The following KCNB2 variants were observed in gnomAD, a reference collection of about 807,000 sequenced individuals.
KCNB2 encodes delayed rectifier potassium channel protein.
In KCNB2, 15 loss-of-function variants were observed where a neutral mutation model predicts 61.5. The observed-to-expected ratio is 0.24, with a 90% CI of 0.16 to 0.38. The LOEUF (loss-of-function observed/expected upper bound fraction) is 0.38, where lower values mean the gene tolerates loss of function less well. Ranked by LOEUF, KCNB2 falls within the 10% of genes least tolerant of loss-of-function variation. The pLI, the probability that KCNB2 is intolerant of heterozygous loss-of-function variation, is 1.00. For synonymous variants in KCNB2, 457 were observed against 446.0 expected, an observed-to-expected ratio of 1.02 and a Z score of -0.31; for missense variants, 828 against 1,125.2, an observed-to-expected ratio of 0.74 and a Z score of 3.78.
intron 2 of KCNB2, among the ~76,000 whole-genome samples, chr8:72,617,954 G>A (rs989592756): frequency 2.6e-5 from 4 of 152,164 alleles, no homozygotes; most frequent in Non-Finnish European, 5.9e-5. Flanking sequence ...GTGGTGGAAC[G>A]ACTTCAGGGC....
chr8:72,794,546 C>T (rs189578949), intron 2 of KCNB2, among the ~76,000 whole-genome samples: 130 of 117,410 alleles, frequency 1.1e-3, no homozygotes, highest in Admixed American at 2.8e-3. Flanking sequence ...GCCTGGGCAA[C>T]GGAGCAAGAC....
chr8:72,814,077 A>G (rs984482831), intron 2 of KCNB2, among the ~76,000 whole-genome samples: 3 of 151,336 alleles, frequency 2.0e-5, no homozygotes, highest in Non-Finnish European at 4.4e-5. Flanking sequence ...TTATTGTTCA[A>G]TTCCCTCCTA....
At chr8:72,899,223 G>A (rs1806042777) in intron 2 of KCNB2, among the ~76,000 whole-genome samples, 1 of 152,018 alleles carries the variant, frequency 6.6e-6, no homozygotes, top group African/African-American at 2.4e-5. Context: ...CAACAGACGA[G>A]GCATCAAAGG....
Position 72,647,408 on chromosome 8 carries a change from C to T in KCNB2, c.579+79095C>T, listed in dbSNP as rs566754643. Among the ~76,000 whole-genome samples, 328 of 151,966 alleles carry T rather than the reference C, an allele frequency of 2.2e-3. 1 individual carries two copies. Among genetic ancestry groups the T allele is most frequent in the African/African-American group, 7.3e-3 (303 of 41,458 alleles). ...TCTGTGAAGTTTGCTAGAACTTTTT[C>T]GGTGCCACGGAAATTAATATAAATT... On this transcript the variant is annotated intron_variant, in intron 2 of 2. Transcript: ENST00000523207.
intron 2 of KCNB2, among the ~76,000 whole-genome samples, chr8:72,825,395 C>A (rs974893628): frequency 1.3e-5 from 2 of 152,134 alleles, no homozygotes; most frequent in African/African-American, 2.4e-5. Flanking sequence ...GTTTTCAGTT[C>A]TTTTGGGTAT....
chr8:72,710,584 G>A (rs1470915164), intron 2 of KCNB2, among the ~76,000 whole-genome samples: 1 of 152,090 alleles, frequency 6.6e-6, no homozygotes, highest in Non-Finnish European at 1.5e-5. Flanking sequence ...CTCAGTAATG[G>A]CAACAGTCAG....
chr8:72,865,030 C>T (rs1805493585), intron 2 of KCNB2, among the ~76,000 whole-genome samples: 1 of 152,212 alleles, frequency 6.6e-6, no homozygotes, highest in Non-Finnish European at 1.5e-5. Context: ...GTGTCTCTCT[C>T]ATCTGCCTGT....
chr8:72,614,989 T>C (rs910347288), intron 2 of KCNB2, among the ~76,000 whole-genome samples: 1 of 152,066 alleles, frequency 6.6e-6, no homozygotes, highest in South Asian at 2.1e-4. Flanking sequence ...ATGATAGAAG[T>C]GGCTAAGGAA....
chr8:72,914,358 T>C (rs962070204), intron 2 of KCNB2, among the ~76,000 whole-genome samples: 1 of 152,170 alleles, frequency 6.6e-6, no homozygotes, highest in Admixed American at 6.6e-5. Flanking sequence ...AAAATAAAAC[T>C]ACATAGGGAG....
intron 2 of KCNB2, among the ~76,000 whole-genome samples, chr8:72,851,782 G>A (rs1379042016): frequency 3.3e-5 from 4 of 122,978 alleles, no homozygotes; most frequent in Non-Finnish European, 6.5e-5. Context: ...ATTGAGCAAA[G>A]CGTTCTTTCT....
chr8:72,615,662 A>G (rs1312702964), intron 2 of KCNB2, among the ~76,000 whole-genome samples: 2 of 152,212 alleles, frequency 1.3e-5, no homozygotes, highest in Non-Finnish European at 2.9e-5. Context: ...CTAAGAGCGA[A>G]TAATGTGGAA....
chr8:72,867,967 G>C (rs1355181596), intron 2 of KCNB2, among the ~76,000 whole-genome samples: 2 of 151,452 alleles, frequency 1.3e-5, no homozygotes, highest in Non-Finnish European at 2.9e-5. Flanking sequence ...ATTGTATCCA[G>C]TTCTTTGAAA....
Position 72,554,746 on chromosome 8 carries a change from C to A in KCNB2, c.-93-12896C>A, listed in dbSNP as rs547918873. Among the ~76,000 whole-genome samples the A allele has an allele frequency of 3.3e-4, 50 of 152,114 alleles. No homozygotes were observed. In the South Asian group the frequency reaches 6.8e-3, roughly 21 times the overall value. The stretch of plus-strand genomic sequence containing the variant: ...CTTGGCATCTATTTTGACCATAAAT[C>A]TTGAATACTAAGACTATTAGCATTA... On this transcript the variant is annotated intron_variant, in intron 1 of 2. Coordinates refer to ENST00000523207, the MANE Select transcript of KCNB2 (RefSeq NM_004770.3).
intron 2 of KCNB2, among the ~76,000 whole-genome samples, chr8:72,572,547 CCT>C (rs1319395767): frequency 1.3e-5 from 2 of 151,346 alleles, no homozygotes; most frequent in African/African-American, 4.9e-5. Context: ...CCCCGCTCCT[CCT>C]CTCTCTCTCA....
At chr8:72,843,867 C>T (rs190527302) in intron 2 of KCNB2, among the ~76,000 whole-genome samples, 1 of 152,160 alleles carries the variant, frequency 6.6e-6, no homozygotes, top group African/African-American at 2.4e-5. Context: ...TACAGCACAC[C>T]AATGGGTCTT....
chr8:72,573,617 C>A (rs909229438), intron 2 of KCNB2, among the ~76,000 whole-genome samples: 2 of 151,496 alleles, frequency 1.3e-5, no homozygotes, highest in African/African-American at 4.9e-5. Context: ...CCTCTGTGTA[C>A]CACGCAGTGC....
At chr8:72,922,752 C>T (rs1302619408) in intron 2 of KCNB2, among the ~76,000 whole-genome samples, 10 of 152,168 alleles carry the variant, frequency 6.6e-5, no homozygotes, top group Admixed American at 6.6e-4. Context: ...CAGACCATTA[C>T]ACTATTCAAC....
chr8:72,802,780 C>G (rs1809153394), intron 2 of KCNB2, among the ~76,000 whole-genome samples: 1 of 152,114 alleles, frequency 6.6e-6, no homozygotes, highest in Non-Finnish European at 1.5e-5. Context: ...TCTCTGCCAT[C>G]CATTATGGTT....
chr8:72,846,482 G>A (rs1166855744), intron 2 of KCNB2, among the ~76,000 whole-genome samples: 3 of 152,006 alleles, frequency 2.0e-5, no homozygotes, highest in Non-Finnish European at 4.4e-5. Context: ...GCAACCTATA[G>A]AGTGGGAGAA....
Sources: allele counts gnomAD v4.1 joint callset (sites outside exome capture counted in the v4.1 genomes callset), GRCh38; gene constraint gnomAD v4.1.1; transcripts MANE v1.5; gene names NCBI Gene and HGNC (gene_info 2026-07-23, HGNC 2026-07-21).